MRPS2: variants seen among roughly 807,000 people sequenced by gnomAD.
MRPS2 encodes small ribosomal subunit protein uS2m.
In MRPS2, 13 loss-of-function variants were observed where a neutral mutation model predicts 18.9. The observed-to-expected ratio is 0.69, with a 90% CI of 0.45 to 1.09. The LOEUF is 1.09. Ranked by LOEUF, MRPS2 falls within the 50% of genes least tolerant of loss-of-function variation. MRPS2 has a pLI of 0.00. For missense variants in MRPS2, 389 were observed against 421.7 expected (o/e 0.92, Z 0.68); for synonymous variants, 186 against 178.4 (o/e 1.04, Z -0.34).
upstream of MRPS2, chr9:135,500,377 A>G (rs1831081651): frequency 5.3e-6 from 2 of 380,376 alleles, no homozygotes; most frequent in Non-Finnish European, 9.3e-6. Flanking sequence ...CGTGGTTCAC[A>G]GCTCACTTGG....
In MRPS2 at chr9:135,504,076, G is replaced by A; in HGVS notation, c.834G>A (p.Glu278=). Residue 278 remains glutamate, a synonymous_variant, in exon 4 of 4, where the codon GAG becomes GAA. Transcript: ENST00000241600. The surrounding 1 kb of genome is among the most constrained non-coding windows in gnomAD (Gnocchi z 4.3). ...TCTATCGCCTGCAGGGCCAGAAGGA[G>A]CCCGGGGACCAGGGGCCAGCCCACC... ...EALYRLQGQK[E]PGDQGPAHPP... is the part of the protein sequence containing the mutation. 1 of 1,612,600 alleles carries A rather than the reference G, an allele frequency of 6.2e-7. No homozygotes were observed. Among genetic ancestry groups the A allele is most frequent in the South Asian group, 1.1e-5 (1 of 91,078 alleles).
At chr9:135,502,273 C>T (rs955068870) in intron 3 of MRPS2, 3 of 1,188,254 alleles carry the variant, frequency 2.5e-6, no homozygotes, top group South Asian at 2.0e-5. Context: ...TAAGGTTGGT[C>T]CCCCCGGATC....
rs1230291378 is a variant in MRPS2, at chr9:135,501,962, C to T, written c.288C>T (p.Gly96=). 1.2e-6 allele frequency: 2 copies of T among 1,613,562 alleles called. No individual in the cohort carries two copies. Among genetic ancestry groups the T allele is most frequent in the Middle Eastern group, 1.7e-4 (1 of 6,060 alleles). The change falls in exon 3 of 4, where the codon GGC becomes GGT. Residue 96 remains glycine (G), a synonymous_variant. Transcript: ENST00000241600. ...DARVHLGHKA[G]CRHRFMEPYI... ...GAGTCCATCTGGGACACAAAGCTGG[C>T]TGTCGGCACAGGTAGGTGACACCCC...
upstream of MRPS2, chr9:135,500,385 T>C (rs1831081721): frequency 2.6e-6 from 1 of 383,568 alleles, no homozygotes; most frequent in Non-Finnish European, 4.6e-6. Flanking sequence ...ACAGCTCACT[T>C]GGCGGGAGGC....
At chr9:135,500,173 G>A (rs1326730711), upstream of MRPS2, 1 of 399,552 alleles carries the variant, frequency 2.5e-6, no homozygotes, top group South Asian at 4.1e-5. Flanking sequence ...GGGTGACGGG[G>A]TTTAAGCACT....
Position 135,501,840 on chromosome 9 carries a change from G to T in MRPS2, c.170-4G>T. ...CGCAGCGTCGCTCCTCCTCCCTGCCGTAGATTTCAACGACAAGATTTTGAA... is the reference window on the plus strand; with the variant it reads ...CGCAGCGTCGCTCCTCCTCCCTGCCTTAGATTTCAACGACAAGATTTTGAA... On this transcript the variant is annotated splice_region_variant and splice_polypyrimidine_tract_variant and intron_variant, in intron 2 of 3. Transcript: ENST00000241600. 6.2e-7 allele frequency: 1 copy of T among 1,613,140 alleles called. No individual in the cohort carries two copies. The highest frequency in any genetic ancestry group is 8.5e-7 in the Non-Finnish European group (1 of 1,179,746).
At chr9:135,502,365 G>A (rs1042051138) in intron 3 of MRPS2, 47 of 708,972 alleles carry the variant, frequency 6.6e-5, no homozygotes, top group Middle Eastern at 3.3e-4. Flanking sequence ...TGTGGGGGGA[G>A]GGGATGGGAG....
At chr9:135,501,424 C>T (rs942191458) in intron 2 of MRPS2, 259 of 1,153,146 alleles carry the variant, frequency 2.2e-4, no homozygotes, top group Non-Finnish European at 2.7e-4. Flanking sequence ...CTCGCCCAGG[C>T]GGGCCCAAGT....
chr9:135,501,754 C>T (rs776381373), intron 2 of MRPS2, 90 bp from the exon 3 acceptor site: 301 of 1,558,840 alleles, frequency 1.9e-4, no homozygotes, highest in Non-Finnish European at 2.4e-4. Context: ...ACAGAAGGCA[C>T]TTGGGAGCAG....
rs552804454 is a variant in MRPS2, at chr9:135,502,163, T to G, written c.299+190T>G. 2.7e-5 allele frequency: 37 copies of G among 1,392,500 alleles called. No individual in the cohort carries two copies. In the Admixed American group the frequency reaches 3.0e-4, roughly 11 times the overall value. 86.3% of individuals were successfully genotyped at this position (1,392,500 alleles called of 1,614,324 possible). On this transcript the variant is annotated intron_variant, in intron 3 of 3. Coordinates refer to ENST00000241600, the MANE Select transcript of MRPS2 (RefSeq NM_016034.5). ...TTCCTCAGCTTGGCGGACGCTCTTG[T>G]GTGCCTTGGTGTGGCGCTCACAGCC...
chr9:135,501,213 C>A (rs540210135), intron 2 of MRPS2, 90 bp downstream of exon 2: 23 of 1,457,866 alleles, frequency 1.6e-5, no homozygotes, highest in Middle Eastern at 4.7e-4. Flanking sequence ...CTGGGCGCTG[C>A]ACGCGGTCGA....
chr9:135,503,558 A>G lies in MRPS2; in HGVS notation c.316A>G (p.Ile106Val). ...CTCTGGCAGGTTTATGGAGCCGTACATCTTTGGGAGCCGCCTGGACCACGA... is the reference window on the plus strand; with the variant it reads ...CTCTGGCAGGTTTATGGAGCCGTACGTCTTTGGGAGCCGCCTGGACCACGA... ...GCRHRFMEPY[I>V]FGSRLDHDII... The change falls in exon 4 of 4, where the codon ATC (isoleucine) becomes GTC (valine). Residue 106 changes from isoleucine to valine, a missense_variant. Ile to Val is a conservative substitution (Grantham distance 29). Coordinates refer to ENST00000241600, the MANE Select transcript of MRPS2 (RefSeq NM_016034.5). 1.2e-6 allele frequency: 2 copies of G among 1,613,258 alleles called. No individual in the cohort carries two copies. The highest frequency in any genetic ancestry group is 2.2e-5 in the East Asian group (1 of 44,856).
intron 1 of MRPS2, 21 bp downstream of exon 1, chr9:135,500,774 C>A: frequency 6.7e-7 from 1 of 1,482,602 alleles, no homozygotes. Flanking sequence ...GCTTGCGGGA[C>A]CCTGGGGAGG....
At chr9:135,500,865 G>T in intron 1 of MRPS2, 112 bp downstream of exon 1, 1 of 1,524,004 alleles carries the variant, frequency 6.6e-7, no homozygotes, top group South Asian at 1.2e-5. Context: ...CGAGCGCGGA[G>T]GGGACTCGGG....
Position 135,504,353 on chromosome 9 carries a change from T to C in MRPS2, c.*220T>C. The C allele has an allele frequency of 1.7e-6, 1 of 584,700 alleles. No individual in the cohort carries two copies. The highest frequency in any genetic ancestry group is 3.0e-6 in the Non-Finnish European group (1 of 331,138). 36.2% of individuals were successfully genotyped at this position (584,700 alleles called of 1,614,324 possible). A position where few individuals can be genotyped will look rare whatever the true frequency, so the allele number is the denominator to read the frequency against. On this transcript the variant is annotated 3_prime_UTR_variant, in exon 4 of 4. Transcript: ENST00000241600. This position sits in a 1 kb window ranked among gnomAD's most constrained non-coding sequence, Gnocchi z 4.3. ...AACAGAGCACAGAGGGTGAGCGACATGTGCAGAACGGCCCCTTGGCTGCAG... is the reference window on the plus strand; with the variant it reads ...AACAGAGCACAGAGGGTGAGCGACACGTGCAGAACGGCCCCTTGGCTGCAG...
In MRPS2 at chr9:135,503,909, G is replaced by A. The variant is rs201884392; in HGVS notation, c.667G>A (p.Val223Met). 8.7e-6 allele frequency: 14 copies of A among 1,614,020 alleles called. No homozygotes were observed. The highest frequency in any genetic ancestry group is 2.7e-5 in the African/African-American group (2 of 75,058). The change falls in exon 4 of 4, where the codon GTG becomes ATG. Residue 223 changes from valine (V) to methionine (M), a missense_variant. Coordinates refer to ENST00000241600, the MANE Select transcript of MRPS2 (RefSeq NM_016034.5). Reference protein sequence around the residue: ...AKMNIPTVGIVDTNCNPCLIT... With the variant: ...AKMNIPTVGIMDTNCNPCLIT... ...GATGAACATCCCCACAGTGGGCATC[G>A]TGGACACCAACTGCAACCCCTGCCT...
upstream of MRPS2, chr9:135,500,379 C>A: frequency 2.6e-6 from 1 of 382,714 alleles, no homozygotes; most frequent in Non-Finnish European, 4.6e-6. Context: ...TGGTTCACAG[C>A]TCACTTGGCG....
chr9:135,501,463 C>T (rs1489898524), intron 2 of MRPS2: 3 of 934,494 alleles, frequency 3.2e-6, no homozygotes, highest in Admixed American at 8.3e-5. Context: ...TTGGAGTCTG[C>T]CCACCTTGCT....
Position 135,503,863 on chromosome 9 carries a change from G to A in MRPS2, c.621G>A (p.Val207=). The part of the protein sequence containing the change: ...HTLNNIFEPH[V]AVRDAAKMNI... ...TCAACAACATCTTTGAGCCACACGT[G>A]GCCGTGAGAGACGCAGCCAAGATGA... is the stretch of plus-strand genomic sequence containing the variant. Residue 207 remains valine, a synonymous_variant, in exon 4 of 4, where the codon GTG becomes GTA. Transcript: ENST00000241600. The A allele has an allele frequency of 1.2e-6, 2 of 1,613,948 alleles. No individual in the cohort carries two copies. The highest frequency in any genetic ancestry group is 2.2e-5 in the South Asian group (2 of 91,090).
Sources: gnomAD v4.1 joint callset for allele counts on GRCh38, gnomAD v4.1.1 for gene constraint, Gnocchi (gnomAD v3.1) non-coding constraint, MANE v1.5 for transcripts, NCBI Gene and HGNC (gene_info 2026-07-23, HGNC 2026-07-21) for gene names.